The following FRMD4B variants were observed in gnomAD, a reference collection of about 807,000 sequenced individuals.
The protein encoded by FRMD4B is FERM domain-containing protein 4B.
A neutral mutation model predicts 141.5 loss-of-function variants in FRMD4B; 74 were observed. The observed-to-expected ratio is 0.52, with a 90% CI of 0.43 to 0.63. FRMD4B has a LOEUF of 0.63. Among genes scored for constraint, FRMD4B ranks in the 30% least tolerant of loss-of-function variants. The probability of loss-of-function intolerance (pLI) is 0.00; values close to 1 mark genes in which losing one functional copy is unlikely to be tolerated. For missense variants in FRMD4B, 1,366 were observed against 1,253.4 expected, an observed-to-expected ratio of 1.09 and a Z score of -1.36; for synonymous variants, 506 against 467.9, an observed-to-expected ratio of 1.08 and a Z score of -1.05.
intron 2 of FRMD4B, among the ~76,000 whole-genome samples, chr3:69,410,026 A>T (rs1418318742): frequency 6.6e-6 from 1 of 152,156 alleles, no homozygotes; most frequent in African/African-American, 2.4e-5. Context: ...ACCCCCAGCA[A>T]TGCCAACAAG....
At chr3:69,204,169 A>G (rs2092998826) in intron 11 of FRMD4B, among the ~76,000 whole-genome samples, 1 of 152,146 alleles carries the variant, frequency 6.6e-6, no homozygotes, top group Non-Finnish European at 1.5e-5. Context: ...GAAAGGAGGA[A>G]TGTGTCCCAG....
intron 11 of FRMD4B, among the ~76,000 whole-genome samples, chr3:69,200,166 T>C (rs1195233222): frequency 6.6e-6 from 1 of 152,064 alleles, no homozygotes; most frequent in African/African-American, 2.4e-5. Flanking sequence ...CCTCATCATG[T>C]AAAGGAACAA....
At chr3:69,199,473 A>T (rs941086657) in intron 11 of FRMD4B, among the ~76,000 whole-genome samples, 1 of 152,266 alleles carries the variant, frequency 6.6e-6, no homozygotes, top group Non-Finnish European at 1.5e-5. Context: ...TTTCAATAAC[A>T]TCAGAGATTG....
chr3:69,387,538 A>T (rs1180700015), upstream of FRMD4B, among the ~76,000 whole-genome samples: 1 of 152,246 alleles, frequency 6.6e-6, no homozygotes, highest in East Asian at 1.9e-4. Flanking sequence ...TGGCTGTTTC[A>T]CATCTGGGTT....
intron 1 of FRMD4B, among the ~76,000 whole-genome samples, chr3:69,534,983 GC>G (rs1701063893): frequency 6.6e-6 from 1 of 151,718 alleles, no homozygotes; most frequent in Non-Finnish European, 1.5e-5. Flanking sequence ...AATAATAATA[GC>G]TAGAATTTTT....
At chr3:69,347,540 C>T (rs1380016846) in intron 1 of FRMD4B, among the ~76,000 whole-genome samples, 1 of 152,224 alleles carries the variant, frequency 6.6e-6, no homozygotes, top group African/African-American at 2.4e-5. Flanking sequence ...TTCTTCTCAG[C>T]ACCACATTGC....
At chr3:69,312,420 C>G (rs971257856) in intron 2 of FRMD4B, among the ~76,000 whole-genome samples, 1 of 152,200 alleles carries the variant, frequency 6.6e-6, no homozygotes, top group Non-Finnish European at 1.5e-5. Flanking sequence ...CTATTTCACT[C>G]TAATTGAAGC....
At chr3:69,515,813 T>C (rs1288388391) in intron 1 of FRMD4B, among the ~76,000 whole-genome samples, 1 of 152,174 alleles carries the variant, frequency 6.6e-6, no homozygotes, top group Non-Finnish European at 1.5e-5. Flanking sequence ...CGAAATAAGA[T>C]TGCTAAATTA....
At chr3:69,373,870 C>CTCAA (rs1265363444) in intron 1 of FRMD4B, among the ~76,000 whole-genome samples, 21 of 152,198 alleles carry the variant, frequency 1.4e-4, no homozygotes, top group Admixed American at 3.3e-4. Context: ...AAGACCCTGT[C>CTCAA]TCAATCAATC....
chr3:69,314,012 G>C (rs902315486), intron 1 of FRMD4B, among the ~76,000 whole-genome samples: 2 of 146,670 alleles, frequency 1.4e-5, no homozygotes, highest in African/African-American at 5.1e-5. Context: ...GGTAGCGGGC[G>C]CCTGTAGTCC....
chr3:69,352,428 A>G (rs1703180719), intron 1 of FRMD4B, among the ~76,000 whole-genome samples: 1 of 152,186 alleles, frequency 6.6e-6, no homozygotes. Context: ...CTATTGTGAT[A>G]TATTTAATTT....
chr3:69,493,133 C>G (rs1401675882), intron 1 of FRMD4B, among the ~76,000 whole-genome samples: 1 of 152,236 alleles, frequency 6.6e-6, no homozygotes, highest in African/African-American at 2.4e-5. Context: ...CAAACTCACA[C>G]TCACATGCAT....
chr3:69,496,367 C>G (rs975641151), intron 1 of FRMD4B, among the ~76,000 whole-genome samples: 4 of 151,998 alleles, frequency 2.6e-5, no homozygotes, highest in Non-Finnish European at 5.9e-5. Context: ...AGGAATGACC[C>G]AGGACTGGCC....
chr3:69,523,471 A>T (rs537535920), intron 1 of FRMD4B, among the ~76,000 whole-genome samples: 111 of 152,172 alleles, frequency 7.3e-4, no homozygotes, highest in Non-Finnish European at 1.4e-3. Context: ...TCCCTCTTCT[A>T]TTCTGACATC....
chr3:69,317,804 A>G (rs1701856830), intron 1 of FRMD4B, among the ~76,000 whole-genome samples: 1 of 150,734 alleles, frequency 6.6e-6, no homozygotes, highest in South Asian at 2.1e-4. Flanking sequence ...CATGCGGCCT[A>G]AGAAGACAAG....
At chr3:69,176,754 A>G in intron 21 of FRMD4B, 98 bp from the exon 22 acceptor site, 1 of 784,908 alleles carries the variant, frequency 1.3e-6, no homozygotes, top group Non-Finnish European at 2.1e-6. Flanking sequence ...GCTTTGTCAG[A>G]GGAGAAATTT....
intron 1 of FRMD4B, among the ~76,000 whole-genome samples, chr3:69,473,981 C>T (rs1575815124): frequency 6.6e-6 from 1 of 152,118 alleles, no homozygotes; most frequent in South Asian, 2.1e-4. Flanking sequence ...AACTTGTCTT[C>T]TCCCTCTTTT....
chr3:69,446,316 G>A (rs147456379), intron 1 of FRMD4B, among the ~76,000 whole-genome samples: 13 of 150,426 alleles, frequency 8.6e-5, no homozygotes, highest in African/African-American at 1.7e-4. Flanking sequence ...GTGAGCCACC[G>A]TGACTAGCCT....
chr3:69,205,925 A>G (rs1055351923), intron 11 of FRMD4B, among the ~76,000 whole-genome samples: 1 of 152,230 alleles, frequency 6.6e-6, no homozygotes, highest in East Asian at 1.9e-4. Context: ...TGCAAATGCT[A>G]CCCACTAGAG....
Sources: gnomAD v4.1 joint callset for allele counts (sites outside exome capture counted in the v4.1 genomes callset) on GRCh38, gnomAD v4.1.1 for gene constraint, MANE v1.5 for transcripts, NCBI Gene and HGNC (gene_info 2026-07-23, HGNC 2026-07-21) for gene names.